The following ZNF385D variants were observed in gnomAD, a reference collection of about 807,000 sequenced individuals.
ZNF385D encodes the protein zinc finger protein 385D.
In ZNF385D, 15 loss-of-function variants were observed where a neutral mutation model predicts 35.8. That is an observed-to-expected ratio of 0.42 (90% CI 0.28 to 0.64). The LOEUF is 0.64. Ranked by LOEUF, ZNF385D falls within the 30% of genes least tolerant of loss-of-function variation. The pLI is 0.23. For synonymous variants in ZNF385D, 212 were observed against 186.8 expected (o/e 1.13, Z -1.10); for missense variants, 474 against 494.6 (o/e 0.96, Z 0.39).
intron 3 of ZNF385D, among the ~76,000 whole-genome samples, chr3:22,046,339 T>A (rs757038787): frequency 6.6e-6 from 1 of 152,132 alleles, no homozygotes; most frequent in African/African-American, 2.4e-5. Flanking sequence ...CTATCACTGT[T>A]CCGTAATACT....
At chr3:21,661,383 T>C (rs2066233559) in intron 2 of ZNF385D, among the ~76,000 whole-genome samples, 1 of 152,208 alleles carries the variant, frequency 6.6e-6, no homozygotes, top group Non-Finnish European at 1.5e-5. Flanking sequence ...ATTGTTTTCA[T>C]GGCAGAGGTC....
intron 4 of ZNF385D, among the ~76,000 whole-genome samples, chr3:21,462,306 AG>A (rs1703229291): frequency 2.0e-5 from 3 of 152,304 alleles, no homozygotes; most frequent in African/African-American, 7.2e-5. Flanking sequence ...TCCAGAATTT[AG>A]GAACTTAATA....
At chr3:21,885,868 T>C (rs916438322) in intron 3 of ZNF385D, among the ~76,000 whole-genome samples, 3 of 151,880 alleles carry the variant, frequency 2.0e-5, no homozygotes, top group African/African-American at 7.3e-5. Flanking sequence ...GTTACAGTTA[T>C]AGTCCAAAAT....
intron 1 of ZNF385D, among the ~76,000 whole-genome samples, chr3:21,746,813 G>A (rs1041034558): frequency 6.6e-6 from 1 of 152,156 alleles, no homozygotes; most frequent in African/African-American, 2.4e-5. Context: ...GCTGCCTGCT[G>A]CTTTCTGATC....
rs191391531 is a variant in ZNF385D, at chr3:22,365,084, G to C, written c.106+7366C>G. On this transcript the variant is annotated intron_variant, in intron 2 of 5. Coordinates refer to the ZNF385D transcript ENST00000494108. ...GAAAATAGCATGGTGGTTGCCAGGG[G>C]CTGTGGGCAGGGAAGAATGGGGAAC... Among the ~76,000 whole-genome samples, 294 of 152,112 alleles carry C rather than the reference G, an allele frequency of 1.9e-3. 5 individuals carry two copies. In the South Asian group the frequency reaches 0.059, roughly 30 times the overall value.
chr3:21,934,700 G>C (rs934975904), intron 3 of ZNF385D, among the ~76,000 whole-genome samples: 1 of 152,202 alleles, frequency 6.6e-6, no homozygotes, highest in African/African-American at 2.4e-5. Context: ...AGAGAGTTCA[G>C]GTTTGGGGGA....
At chr3:21,766,537 C>A (rs1031986439) in intron 3 of ZNF385D, among the ~76,000 whole-genome samples, 1 of 152,194 alleles carries the variant, frequency 6.6e-6, no homozygotes, top group African/African-American at 2.4e-5. Flanking sequence ...TCCTTTATTT[C>A]AATTTCTGGT....
At chr3:21,473,119 G>GA (rs1202631156) in intron 4 of ZNF385D, among the ~76,000 whole-genome samples, 1 of 151,894 alleles carries the variant, frequency 6.6e-6, no homozygotes, top group Non-Finnish European at 1.5e-5. Context: ...CTAAACATTT[G>GA]AAAAAGCTAA....
At chr3:21,713,068 G>A (rs962850118) in intron 1 of ZNF385D, among the ~76,000 whole-genome samples, 14 of 152,310 alleles carry the variant, frequency 9.2e-5, no homozygotes, top group African/African-American at 3.1e-4. Context: ...CATCCTTGGA[G>A]CCACTGATGA....
chr3:21,724,879 C>T (rs2068695415), intron 1 of ZNF385D, among the ~76,000 whole-genome samples: 1 of 152,194 alleles, frequency 6.6e-6, no homozygotes, highest in Non-Finnish European at 1.5e-5. Flanking sequence ...ACAGAATATA[C>T]ATTCTTCTCA....
At chr3:22,180,914 C>CTTTTGTTCTTTTTTTT (rs1695209879) in intron 2 of ZNF385D, among the ~76,000 whole-genome samples, 2 of 112,966 alleles carry the variant, frequency 1.8e-5, no homozygotes, top group African/African-American at 8.4e-5. Flanking sequence ...TGCTTTTGTT[C>CTTTTGTTCTTTTTTTT]TTTTTTTTTT....
intron 2 of ZNF385D, among the ~76,000 whole-genome samples, chr3:22,255,416 TACAC>T (rs770957714): frequency 2.0e-5 from 3 of 152,000 alleles, no homozygotes; most frequent in South Asian, 2.1e-4. Flanking sequence ...ATAACTTACT[TACAC>T]ACACTTAACA....
intron 3 of ZNF385D, among the ~76,000 whole-genome samples, chr3:21,827,650 A>T (rs1346470141): frequency 2.0e-5 from 3 of 152,200 alleles, no homozygotes; most frequent in Admixed American, 6.5e-5. Flanking sequence ...ATCTTACATT[A>T]ATATATTGGA....
At chr3:21,430,680 C>T (rs747912005) in intron 5 of ZNF385D, among the ~76,000 whole-genome samples, 5 of 152,244 alleles carry the variant, frequency 3.3e-5, no homozygotes, top group Non-Finnish European at 5.9e-5. Flanking sequence ...GGCTCTACCC[C>T]GCTTCTCTAG....
At chr3:21,676,793 AT>A (rs35309798) in intron 1 of ZNF385D, among the ~76,000 whole-genome samples, 91,971 of 150,530 alleles carry the variant, frequency 0.61, 28,383 homozygotes, top group Non-Finnish European at 0.65. Flanking sequence ...GCCCATATGT[AT>A]TTTTTTTTTT....
At chr3:21,754,344 T>C (rs557681737), upstream of ZNF385D, among the ~76,000 whole-genome samples, 2 of 152,284 alleles carry the variant, frequency 1.3e-5, no homozygotes, top group East Asian at 1.9e-4. Context: ...TACCTGTCTC[T>C]AAGAATCTGT....
chr3:21,731,245 T>C (rs1263333096), intron 1 of ZNF385D, among the ~76,000 whole-genome samples: 3 of 152,226 alleles, frequency 2.0e-5, no homozygotes, highest in African/African-American at 7.2e-5. Context: ...TATAGTCTAT[T>C]ATTTTTATTT....
At chr3:21,977,154 G>A (rs1030612820) in intron 3 of ZNF385D, among the ~76,000 whole-genome samples, 1 of 152,160 alleles carries the variant, frequency 6.6e-6, no homozygotes, top group Non-Finnish European at 1.5e-5. Context: ...CTAATTAGAG[G>A]AAGATTGATT....
In ZNF385D at chr3:21,711,039, GTTT is replaced by G. The variant is rs869252663; in HGVS notation, c.22+39853_22+39855del. On this transcript the variant is annotated intron_variant, in intron 1 of 7. Transcript: ENST00000281523. ...TCTTAATTTCCTTATCCCTCTAAAA[GTTT>G]TTTTTTTTTTTTTTTTTGAGATGGA... Among the ~76,000 whole-genome samples, 472 of 83,136 alleles carry G rather than the reference GTTT, an allele frequency of 5.7e-3. 11 individuals carry two copies. The highest frequency in any genetic ancestry group is 0.022 in the African/African-American group (427 of 19,486). 54.5% of individuals were successfully genotyped at this position (83,136 alleles called of 152,430 possible). A position where few individuals can be genotyped will look rare whatever the true frequency, so the allele number is the denominator to read the frequency against.
Sources: gnomAD v4.1 joint callset for allele counts (sites outside exome capture counted in the v4.1 genomes callset) on GRCh38, gnomAD v4.1.1 for gene constraint, MANE v1.5 for transcripts, NCBI Gene and HGNC (gene_info 2026-07-23, HGNC 2026-07-21) for gene names.